The following EPHA3 variants were observed in gnomAD, a reference collection of about 807,000 sequenced individuals.
EPHA3 encodes EPH receptor A3.
EPHA3 carries 42 observed loss-of-function variants against 107.1 expected under a neutral mutation model. The observed-to-expected ratio is 0.39, with a 90% CI of 0.31 to 0.51. The LOEUF (loss-of-function observed/expected upper bound fraction) is 0.51, where lower values mean the gene tolerates loss of function less well. Ranked by LOEUF, EPHA3 falls within the 20% of genes least tolerant of loss-of-function variation. The pLI is 0.78. For missense variants in EPHA3, 1,183 were observed against 1,211.2 expected (o/e 0.98, Z 0.35); for synonymous variants, 461 against 424.8 (o/e 1.09, Z -1.05).
intron 3 of EPHA3, among the ~76,000 whole-genome samples, chr3:89,305,114 A>G (rs905485831): frequency 6.6e-6 from 1 of 152,116 alleles, no homozygotes; most frequent in Non-Finnish European, 1.5e-5. Flanking sequence ...AATTGTTCCT[A>G]TTGTTAAGGA....
intron 3 of EPHA3, among the ~76,000 whole-genome samples, chr3:89,236,025 A>T (rs960645002): frequency 3.3e-5 from 5 of 152,116 alleles, no homozygotes; most frequent in African/African-American, 1.2e-4. Context: ...AAGTCAAGAA[A>T]GCAATGAATT....
chr3:89,209,824 T>C, intron 2 of EPHA3, 36 bp from the exon 3 acceptor site: 1 of 1,528,096 alleles, frequency 6.5e-7, no homozygotes, highest in Non-Finnish European at 8.8e-7. Flanking sequence ...TTATCATTAA[T>C]TCTGCCTCAC....
At chr3:89,155,435 A>G (rs1223754264) in intron 2 of EPHA3, among the ~76,000 whole-genome samples, 1 of 152,002 alleles carries the variant, frequency 6.6e-6, no homozygotes, top group Non-Finnish European at 1.5e-5. Context: ...AATCTTCCCA[A>G]AAGTCCATTG....
intron 3 of EPHA3, among the ~76,000 whole-genome samples, chr3:89,251,163 T>A (rs1281677232): frequency 6.6e-6 from 1 of 152,180 alleles, no homozygotes; most frequent in Non-Finnish European, 1.5e-5. Context: ...CTGGAGATAC[T>A]TTTATCAAAC....
intron 16 of EPHA3, among the ~76,000 whole-genome samples, chr3:89,477,999 G>T (rs1374391163): frequency 6.6e-6 from 1 of 152,110 alleles, no homozygotes; most frequent in Non-Finnish European, 1.5e-5. Flanking sequence ...GTACAGAAAA[G>T]TTTTAAAATA....
chr3:89,158,749 A>G (rs769130984), intron 2 of EPHA3, among the ~76,000 whole-genome samples: 21 of 152,124 alleles, frequency 1.4e-4, no homozygotes, highest in Non-Finnish European at 2.9e-4. Flanking sequence ...AAGGACCCCA[A>G]TGTGCTAAGG....
chr3:89,137,615 T>G (rs1320720348), intron 2 of EPHA3, among the ~76,000 whole-genome samples: 3 of 151,884 alleles, frequency 2.0e-5, no homozygotes, highest in Admixed American at 6.6e-5. Context: ...TTACCATTAC[T>G]TTTTTTCCTA....
intron 2 of EPHA3, among the ~76,000 whole-genome samples, chr3:89,148,821 C>G (rs1704628259): frequency 6.6e-6 from 1 of 152,072 alleles, no homozygotes; most frequent in African/African-American, 2.4e-5. Context: ...CAACTTGCAC[C>G]ATCTTCCGCC....
At chr3:89,235,625 AAG>A (rs1491394812) in intron 3 of EPHA3, among the ~76,000 whole-genome samples, 5 of 151,888 alleles carry the variant, frequency 3.3e-5, no homozygotes, top group East Asian at 1.9e-4. Flanking sequence ...TTAGAAAAAA[AAG>A]AGTATATTTT....
chr3:89,422,588 T>G (rs1207638096), intron 11 of EPHA3, among the ~76,000 whole-genome samples: 1 of 151,358 alleles, frequency 6.6e-6, no homozygotes, highest in African/African-American at 2.4e-5. Context: ...ATACTAAAGA[T>G]CAAATGAGAT....
At position 89,213,402 on chromosome 3, in the gene EPHA3, G is replaced by A. The variant is rs1704152962; in HGVS notation, c.814+2882G>A. Among the ~76,000 whole-genome samples the A allele has an allele frequency of 2.0e-5, 3 of 152,052 alleles. No homozygotes were observed. In the South Asian group the frequency reaches 6.2e-4, roughly 32 times the overall value. ...CCATTCTTAGAATAGAGGTCCTGAAGAGAATAGACTTTACATTATTTATCT... is the reference window on the plus strand; with the variant it reads ...CCATTCTTAGAATAGAGGTCCTGAAAAGAATAGACTTTACATTATTTATCT... On this transcript the variant is annotated intron_variant, in intron 3 of 16. Transcript: ENST00000336596.
chr3:89,172,321 C>T (rs919265208), intron 2 of EPHA3, among the ~76,000 whole-genome samples: 1 of 152,090 alleles, frequency 6.6e-6, no homozygotes, highest in African/African-American at 2.4e-5. Context: ...TGTTTAGTGG[C>T]AGCAGCTTGC....
intron 5 of EPHA3, among the ~76,000 whole-genome samples, chr3:89,364,850 C>A (rs895091505): frequency 1.3e-5 from 2 of 150,908 alleles, no homozygotes; most frequent in Non-Finnish European, 3.0e-5. Context: ...TTTTCTTCTG[C>A]ATTTTCATCA....
intron 3 of EPHA3, among the ~76,000 whole-genome samples, chr3:89,245,986 T>G (rs1445341624): frequency 3.3e-5 from 5 of 152,200 alleles, no homozygotes; most frequent in African/African-American, 9.6e-5. Context: ...ACAGTTGGGT[T>G]TTGCAAAAAG....
chr3:89,139,603 A>G (rs1704385104), intron 2 of EPHA3, among the ~76,000 whole-genome samples: 2 of 151,808 alleles, frequency 1.3e-5, no homozygotes, highest in African/African-American at 4.8e-5. Context: ...ATTTTACTTT[A>G]TTTAGAGCAG....
At chr3:89,292,903 T>G (rs1706249182) in intron 3 of EPHA3, among the ~76,000 whole-genome samples, 2 of 152,208 alleles carry the variant, frequency 1.3e-5, no homozygotes, top group African/African-American at 2.4e-5. Flanking sequence ...ACTTTTACAC[T>G]TCTAACAAAA....
In EPHA3 at chr3:89,431,171, G is replaced by T; in HGVS notation, c.2158G>T (p.Val720Phe). The T allele has an allele frequency of 1.9e-6, 3 of 1,613,712 alleles. No homozygotes were observed. Among genetic ancestry groups the T allele is most frequent in the East Asian group, 4.5e-5 (2 of 44,832 alleles). Residue 720 changes from valine (V) to phenylalanine (F), a missense_variant, in exon 13 of 17, where the codon GTC becomes TTC. Val to Phe is a conservative substitution (Grantham distance 50). Transcript: ENST00000336596. Reference sequence around the variant, plus strand: ...CCAGAAACACGATGCCCAGTTTACTGTCATTCAGCTAGTGGGGATGCTTCG... The same window carrying T: ...CCAGAAACACGATGCCCAGTTTACTTTCATTCAGCTAGTGGGGATGCTTCG... Reference protein sequence around the residue: ...FLRKHDAQFTVIQLVGMLRGI... With the variant: ...FLRKHDAQFTFIQLVGMLRGI...
intron 3 of EPHA3, among the ~76,000 whole-genome samples, chr3:89,243,916 A>G (rs1704970632): frequency 6.6e-6 from 1 of 152,148 alleles, no homozygotes; most frequent in Admixed American, 6.5e-5. Flanking sequence ...ACCATCCTAT[A>G]CACTTTATTT....
rs1706251160 is a variant in EPHA3, at chr3:89,210,503, G to A, written c.797G>A (p.Arg266Lys). ...TCCTGCAATGCTGGCTATGAAGAAA[G>A]AGGTTTTATGTGCCAAGGTAAGAGC... Reference protein sequence around the residue: ...KCSCNAGYEERGFMCQACRPG... With the variant: ...KCSCNAGYEEKGFMCQACRPG... Residue 266 changes from arginine to lysine, a missense_variant, in exon 3 of 17, where the codon AGA (arginine) becomes AAA (lysine). Arg to Lys is a conservative substitution (Grantham distance 26). Coordinates refer to ENST00000336596, the MANE Select transcript of EPHA3 (RefSeq NM_005233.6). The A allele has an allele frequency of 6.4e-7, 1 of 1,551,582 alleles. No individual in the cohort carries two copies. Among genetic ancestry groups the A allele is most frequent in the Non-Finnish European group, 8.7e-7 (1 of 1,153,704 alleles).
Sources: gnomAD v4.1 joint callset for allele counts (sites outside exome capture counted in the v4.1 genomes callset) on GRCh38, gnomAD v4.1.1 for gene constraint, MANE v1.5 for transcripts, NCBI Gene and HGNC (gene_info 2026-07-23, HGNC 2026-07-21) for gene names.